Variants in NEMP2 observed in about 807,000 individuals in gnomAD.
NEMP2 encodes UPF0571 transmembrane protein.
In NEMP2, 53 loss-of-function variants were observed where a neutral mutation model predicts 54.2. That is an observed-to-expected ratio of 0.98 (90% confidence interval 0.78 to 1.23). The LOEUF (loss-of-function observed/expected upper bound fraction) is 1.23, where lower values mean the gene tolerates loss of function less well. Ranked by LOEUF, NEMP2 falls within the 50% of genes most tolerant of loss-of-function variation. The pLI is 0.00. For synonymous variants in NEMP2, 197 were observed against 190.3 expected, an observed-to-expected ratio of 1.04 and a Z score of -0.29; for missense variants, 455 against 511.3, an observed-to-expected ratio of 0.89 and a Z score of 1.06.
the NEMP2 span, among the ~76,000 whole-genome samples, chr2:190,594,391 A>G: frequency 1.3e-5 from 2 of 152,180 alleles, no homozygotes; most frequent in Non-Finnish European, 2.9e-5. The surrounding 1 kb of genome is among the most constrained non-coding windows in gnomAD (Gnocchi z 5.6). Flanking sequence ...TGTCTATAGT[A>G]TAGAAACATG....
chr2:190,626,466 GAA>G, the NEMP2 span: 8 of 152,080 alleles, frequency 5.3e-5, no homozygotes, highest in African/African-American at 1.7e-4. This position sits in a 1 kb window ranked among gnomAD's most constrained non-coding sequence, Gnocchi z 4.5. Context: ...GAGAGAGAGA[GAA>G]AGAGAGAGAG....
the NEMP2 span, among the ~76,000 whole-genome samples, chr2:190,567,145 C>T: frequency 0.011 from 1,716 of 151,898 alleles, 39 homozygotes; most frequent in African/African-American, 0.038. The surrounding 1 kb of genome is among the most constrained non-coding windows in gnomAD (Gnocchi z 4.0). Flanking sequence ...GATAAAAGAA[C>T]AATTAGATAA....
At chr2:190,545,016 T>A in the NEMP2 span, among the ~76,000 whole-genome samples, 1 of 151,424 alleles carries the variant, frequency 6.6e-6, no homozygotes, top group South Asian at 2.1e-4. Context: ...TGTAGGAGGA[T>A]CACTTGAGCC....
chr2:190,428,358 C>T, the NEMP2 span, among the ~76,000 whole-genome samples: 2 of 152,156 alleles, frequency 1.3e-5, no homozygotes, highest in African/African-American at 4.8e-5. Flanking sequence ...GGGTCTTACA[C>T]TCAGGATTAG....
Position 190,510,387 on chromosome 2 carries a change from G to C in NEMP2, c.1104C>G (p.Val368=). ...TGCTAGGAGTGTGGAGTCTGGAGACGACCAGCCATGAGGGAAAGTCGGGTT... is the reference window on the plus strand; with the variant it reads ...TGCTAGGAGTGTGGAGTCTGGAGACCACCAGCCATGAGGGAAAGTCGGGTT... ...CRKPDFPSWL[V]VSRLHTPSKF... is the part of the protein sequence containing the mutation. The change falls in exon 8 of 9, where the codon GTC becomes GTG. Residue 368 remains valine (V), a synonymous_variant. Transcript: ENST00000409150. The surrounding 1 kb of genome is among the most constrained non-coding windows in gnomAD (Gnocchi z 5.7). 3.2e-6 allele frequency: 5 copies of C among 1,551,682 alleles called. No individual in the cohort carries two copies. Among genetic ancestry groups the C allele is most frequent in the Non-Finnish European group, 4.4e-6 (5 of 1,147,002 alleles).
At chr2:190,597,609 C>T in the NEMP2 span, among the ~76,000 whole-genome samples, 1 of 152,154 alleles carries the variant, frequency 6.6e-6, no homozygotes, top group African/African-American at 2.4e-5. The surrounding 1 kb of genome is among the most constrained non-coding windows in gnomAD (Gnocchi z 4.7). Context: ...ACAGTAAAAA[C>T]TTCCAGGACA....
chr2:190,552,405 C>T, the NEMP2 span, among the ~76,000 whole-genome samples: 3 of 152,150 alleles, frequency 2.0e-5, no homozygotes, highest in Non-Finnish European at 4.4e-5. Flanking sequence ...CTGCCACTGT[C>T]ATCTTCCCAG....
chr2:190,596,324 A>T, the NEMP2 span, among the ~76,000 whole-genome samples: 1 of 152,120 alleles, frequency 6.6e-6, no homozygotes, highest in Non-Finnish European at 1.5e-5. The surrounding 1 kb of genome is among the most constrained non-coding windows in gnomAD (Gnocchi z 5.1). Flanking sequence ...GGTGCAGCAA[A>T]CCACCATGGC....
chr2:190,500,200 G>A (rs375901596), downstream of NEMP2: 28 of 1,614,146 alleles, frequency 1.7e-5, 2 homozygotes, highest in African/African-American at 2.4e-4. The surrounding 1 kb of genome is among the most constrained non-coding windows in gnomAD (Gnocchi z 5.3). Flanking sequence ...AGGCTCAGCT[G>A]GCCGCGGGAG....
At chr2:190,571,449 A>T in the NEMP2 span, among the ~76,000 whole-genome samples, 1 of 152,098 alleles carries the variant, frequency 6.6e-6, no homozygotes, top group African/African-American at 2.4e-5. Context: ...AGGCCGAGGC[A>T]GGAGAATCGC....
chr2:190,432,427 T>G, the NEMP2 span, among the ~76,000 whole-genome samples: 1 of 152,112 alleles, frequency 6.6e-6, no homozygotes, highest in Non-Finnish European at 1.5e-5. Context: ...TTTGTTTTTG[T>G]TTTTTGAGAC....
the NEMP2 span, among the ~76,000 whole-genome samples, chr2:190,618,672 T>A: frequency 6.6e-6 from 1 of 152,222 alleles, no homozygotes; most frequent in Non-Finnish European, 1.5e-5. Flanking sequence ...CTCGATCTCC[T>A]GGGCTCGAGC....
chr2:190,478,923 T>C, the NEMP2 span, among the ~76,000 whole-genome samples: 1 of 152,094 alleles, frequency 6.6e-6, no homozygotes, highest in Admixed American at 6.5e-5. Context: ...TGTCTAGTAC[T>C]ATCTAGAGGG....
the NEMP2 span, among the ~76,000 whole-genome samples, chr2:190,462,909 A>G: frequency 6.6e-6 from 1 of 152,080 alleles, no homozygotes; most frequent in Non-Finnish European, 1.5e-5. The surrounding 1 kb of genome is among the most constrained non-coding windows in gnomAD (Gnocchi z 5.7). Flanking sequence ...CACTCTTACC[A>G]CCATTCTAGC....
chr2:190,601,892 A>C, the NEMP2 span, among the ~76,000 whole-genome samples: 3 of 152,236 alleles, frequency 2.0e-5, no homozygotes, highest in Non-Finnish European at 2.9e-5. The surrounding 1 kb of genome is among the most constrained non-coding windows in gnomAD (Gnocchi z 5.8). Context: ...AGTAAATAAT[A>C]AGAAAGGTAG....
downstream of NEMP2, among the ~76,000 whole-genome samples, chr2:190,499,541 T>C (rs749642554): frequency 1.6e-4 from 25 of 152,218 alleles, no homozygotes; most frequent in Non-Finnish European, 4.4e-5. This position sits in a 1 kb window ranked among gnomAD's most constrained non-coding sequence, Gnocchi z 6.0. Context: ...GGACTCTTAA[T>C]TACAGGACAT....
downstream of NEMP2, chr2:190,501,774 C>T (rs1461151055): frequency 6.6e-6 from 1 of 152,594 alleles, no homozygotes; most frequent in Non-Finnish European, 1.5e-5. Context: ...AAATAGAATT[C>T]AGCAAATAGT....
chr2:190,647,698 TTTC>T, the NEMP2 span, among the ~76,000 whole-genome samples: 2 of 134,768 alleles, frequency 1.5e-5, no homozygotes, highest in African/African-American at 2.7e-5. Context: ...TAAGTACATT[TTTC>T]TTCTTCTTCT....
At chr2:190,457,542 T>C in the NEMP2 span, among the ~76,000 whole-genome samples, 1 of 152,276 alleles carries the variant, frequency 6.6e-6, no homozygotes, top group Admixed American at 6.5e-5. The surrounding 1 kb of genome is among the most constrained non-coding windows in gnomAD (Gnocchi z 5.1). Flanking sequence ...GGGATCTACA[T>C]AGAGAATTTT....
Sources: gnomAD v4.1 joint callset for allele counts (sites outside exome capture counted in the v4.1 genomes callset) on GRCh38, gnomAD v4.1.1 for gene constraint, Gnocchi (gnomAD v3.1) non-coding constraint, MANE v1.5 for transcripts, NCBI Gene and HGNC (gene_info 2026-07-23, HGNC 2026-07-21) for gene names.